Variants in ADCY3 observed in about 807,000 individuals in gnomAD.
ADCY3 encodes the protein adenylate cyclase type 3.
Under a neutral mutation model 119.4 loss-of-function variants are expected in ADCY3, and 70 were observed. The observed-to-expected ratio is 0.59, with a 90% confidence interval of 0.48 to 0.72. ADCY3 has a LOEUF of 0.72. Among genes scored for constraint, ADCY3 ranks in the 30% least tolerant of loss-of-function variants. The pLI is 0.00. For missense variants in ADCY3, 1,238 were observed against 1,541.6 expected (o/e 0.80, Z 3.30); for synonymous variants, 672 against 621.4 (o/e 1.08, Z -1.21).
Position 24,898,921 on chromosome 2 carries a change from G to A in ADCY3, c.675+19392C>T, listed in dbSNP as rs370166059. Among the ~76,000 whole-genome samples, 1 of 152,092 alleles carries A rather than the reference G, an allele frequency of 6.6e-6. No individual in the cohort carries two copies. Among genetic ancestry groups the A allele is most frequent in the Admixed American group, 6.5e-5 (1 of 15,278 alleles). ...CAGCGCGGACGCCAAGCACGACCAC[G>A]GCAGGTGACCTGCCCTCCCTCCAGC... On this transcript the variant is annotated intron_variant, in intron 2 of 21. Transcript: ENST00000679454. This position sits in a 1 kb window ranked among gnomAD's most constrained non-coding sequence, Gnocchi z 4.3.
At position 24,919,114 on chromosome 2, in the gene ADCY3, G is replaced by A; in HGVS notation, c.-127C>T. On this transcript the variant is annotated 5_prime_UTR_variant, in exon 2 of 22. Coordinates refer to ENST00000679454, the MANE Select transcript of ADCY3 (RefSeq NM_004036.5). This position sits in a 1 kb window ranked among gnomAD's most constrained non-coding sequence, Gnocchi z 5.5. ...CTGAGGGCCTCTTCTTGTCTGGGGC[G>A]GAGGGGAGGCCACCTCCAGCAGGAA... The A allele has an allele frequency of 1.0e-6, 1 of 1,003,266 alleles. No homozygotes were observed. Among genetic ancestry groups the A allele is most frequent in the Non-Finnish European group, 1.4e-6 (1 of 704,006 alleles). 62.1% of individuals were successfully genotyped at this position (1,003,266 alleles called of 1,614,324 possible). A position where few individuals can be genotyped will look rare whatever the true frequency, so the allele number is the denominator to read the frequency against.
At chr2:24,917,112 AG>A (rs933581469) in intron 2 of ADCY3, among the ~76,000 whole-genome samples, 4 of 152,226 alleles carry the variant, frequency 2.6e-5, no homozygotes, top group African/African-American at 9.7e-5. Context: ...AAATCAGCAG[AG>A]GAGTGGAAGA....
intron 3 of ADCY3, among the ~76,000 whole-genome samples, chr2:24,865,815 T>C (rs1170415611): frequency 6.6e-6 from 1 of 152,104 alleles, no homozygotes; most frequent in Non-Finnish European, 1.5e-5. Flanking sequence ...GCAGCCAGGA[T>C]TTGAGGGGCC....
chr2:24,915,043 G>A (rs764728012), intron 2 of ADCY3, among the ~76,000 whole-genome samples: 4 of 152,176 alleles, frequency 2.6e-5, no homozygotes, highest in African/African-American at 4.8e-5. Context: ...TGTACCTTCT[G>A]TCCTTCCCCA....
chr2:24,820,131 A>G lies in ADCY3; in HGVS notation c.3253-17T>C, dbSNP rs752701522. On this transcript the variant is annotated splice_polypyrimidine_tract_variant and intron_variant, in intron 21 of 21. Transcript: ENST00000679454. ...TTCTACCACCTGGAGAGGGAGGGGG[A>G]GCAAGAACGTGGCGTTACGGGGGGA... 4 of 1,419,542 alleles carry G rather than the reference A, an allele frequency of 2.8e-6. No homozygotes were observed. Among genetic ancestry groups the G allele is most frequent in the Non-Finnish European group, 2.8e-6 (3 of 1,074,474 alleles). 87.9% of individuals were successfully genotyped at this position (1,419,542 alleles called of 1,614,324 possible).
intron 13 of ADCY3, among the ~76,000 whole-genome samples, chr2:24,829,231 G>T (rs1317818146): frequency 6.6e-6 from 1 of 151,198 alleles, no homozygotes; most frequent in South Asian, 2.1e-4. Context: ...TGGCCAGGCT[G>T]GTCTCAAACT....
chr2:24,859,994 C>T (rs921664509), intron 3 of ADCY3, among the ~76,000 whole-genome samples: 2 of 152,212 alleles, frequency 1.3e-5, no homozygotes, highest in African/African-American at 4.8e-5. Flanking sequence ...GGACAGTCCT[C>T]ACCTCCGAGG....
chr2:24,842,556 GGCA>G lies in ADCY3; in HGVS notation c.826-175_826-173del, dbSNP rs1671147198. The stretch of plus-strand genomic sequence containing the variant: ...CGGGAGCAGCCAGGGGTCTGGGACA[GGCA>G]GCTTCTGGCCCTGACAAGGCTGAGG... On this transcript the variant is annotated intron_variant, in intron 3 of 21. Transcript: ENST00000679454. The surrounding 1 kb of genome is among the most constrained non-coding windows in gnomAD (Gnocchi z 4.9). 1.3e-6 allele frequency: 1 copy of G among 793,190 alleles called. No homozygotes were observed. Among genetic ancestry groups the G allele is most frequent in the African/African-American group, 1.7e-5 (1 of 57,378 alleles). 49.1% of individuals were successfully genotyped at this position (793,190 alleles called of 1,614,324 possible). A position where few individuals can be genotyped will look rare whatever the true frequency, so the allele number is the denominator to read the frequency against.
Position 24,825,426 on chromosome 2 carries a change from C to T in ADCY3, c.2577+619G>A, listed in dbSNP as rs1257914010. ...CTCAGCTTACTACAGCCTCAACCTC[C>T]TAGATTCAAGCAATCCTCCTGCCTC... On this transcript the variant is annotated intron_variant, in intron 16 of 21. Coordinates refer to ENST00000679454, the MANE Select transcript of ADCY3 (RefSeq NM_004036.5). Among the ~76,000 whole-genome samples, 4 of 149,410 alleles carry T rather than the reference C, an allele frequency of 2.7e-5. No individual in the cohort carries two copies. In the East Asian group the frequency reaches 5.9e-4, roughly 22 times the overall value.
In ADCY3 at chr2:24,827,966, T is replaced by C. The variant is rs140426660; in HGVS notation, c.2368A>G (p.Ile790Val). Residue 790 changes from isoleucine (I) to valine (V), a missense_variant, in exon 14 of 22, where the codon ATC becomes GTC. Transcript: ENST00000679454. ...MLLVAGAVAT[I>V]NLYAWRPVFD... is the part of the protein sequence containing the mutation. Reference sequence around the variant, plus strand: ...ACGGGACGCCAGGCATAGAGGTTGATGGTGGCCACGGCGCCTGCGACGAGC... The same window carrying C: ...ACGGGACGCCAGGCATAGAGGTTGACGGTGGCCACGGCGCCTGCGACGAGC... 2.2e-5 allele frequency: 35 copies of C among 1,614,110 alleles called. No individual in the cohort carries two copies. The Admixed American group carries it at 3.0e-4, about 14-fold the overall frequency.
chr2:24,918,593 T>A lies in ADCY3; in HGVS notation c.395A>T (p.Asp132Val), dbSNP rs751404841. The change falls in exon 2 of 22, where the codon GAC (aspartate) becomes GTC (valine). Residue 132 changes from aspartate to valine, a missense_variant. Physicochemically the swap from Asp to Val is radical, Grantham distance 152 (BLOSUM62 -3). Coordinates refer to ENST00000679454, the MANE Select transcript of ADCY3 (RefSeq NM_004036.5). This position sits in a 1 kb window ranked among gnomAD's most constrained non-coding sequence, Gnocchi z 5.4. ...GGGCAGCACTCTGCGGGTGACCCGG[T>A]CCGGGAGCAGCCCCTTTTTGCAGAG... ...FVLCKKGLLP[D>V]RVTRRVLPYV... 1 of 1,613,962 alleles carries A rather than the reference T, an allele frequency of 6.2e-7. No individual in the cohort carries two copies. The highest frequency in any genetic ancestry group is 1.7e-5 in the Admixed American group (1 of 60,008).
chr2:24,910,893 C>T (rs565931271), intron 2 of ADCY3, among the ~76,000 whole-genome samples: 1 of 152,272 alleles, frequency 6.6e-6, no homozygotes, highest in African/African-American at 2.4e-5. Flanking sequence ...GATCCACCCA[C>T]CTCGGCCTTC....
At chr2:24,860,941 C>G (rs1182064505) in intron 3 of ADCY3, among the ~76,000 whole-genome samples, 1 of 152,246 alleles carries the variant, frequency 6.6e-6, no homozygotes, top group Non-Finnish European at 1.5e-5. Context: ...GCCGCACACT[C>G]TTAAGGCAGC....
intron 13 of ADCY3, 115 bp downstream of exon 13, chr2:24,830,594 C>G (rs1669350518): frequency 3.9e-6 from 3 of 767,466 alleles, no homozygotes; most frequent in Non-Finnish European, 4.3e-6. Flanking sequence ...AAGAGCCACT[C>G]CAAAGCTACA....
At chr2:24,863,667 G>A (rs1039637174) in intron 3 of ADCY3, among the ~76,000 whole-genome samples, 5 of 152,164 alleles carry the variant, frequency 3.3e-5, no homozygotes, top group Non-Finnish European at 4.4e-5. Context: ...GATTACAGGC[G>A]TTGAGCCACT....
At chr2:24,897,083 C>A (rs571692788) in intron 2 of ADCY3, among the ~76,000 whole-genome samples, 4 of 152,150 alleles carry the variant, frequency 2.6e-5, no homozygotes, top group Admixed American at 2.6e-4. Context: ...ATCATCTTTT[C>A]GCAAGATGAC....
In ADCY3 at chr2:24,919,181, A is replaced by ACCT; in HGVS notation, c.-195_-194insAGG. On this transcript the variant is annotated 5_prime_UTR_variant, in exon 2 of 22. Coordinates refer to ENST00000679454, the MANE Select transcript of ADCY3 (RefSeq NM_004036.5). This position sits in a 1 kb window ranked among gnomAD's most constrained non-coding sequence, Gnocchi z 5.5. Reference sequence around the variant, plus strand: ...AGAGCACAGGTAGCACTGATCAGCTAGAACTGAAAAGGGCATTGCTGAGTA... The same window carrying ACCT: ...AGAGCACAGGTAGCACTGATCAGCTACCTGAACTGAAAAGGGCATTGCTGAGTA... 1 of 602,650 alleles carries ACCT rather than the reference A, an allele frequency of 1.7e-6. No individual in the cohort carries two copies. The allele number at this position is 602,650 out of a possible 1,614,324, so 37.3% of individuals were successfully genotyped here.
chr2:24,894,033 C>T (rs536069344), intron 2 of ADCY3, among the ~76,000 whole-genome samples: 16 of 152,096 alleles, frequency 1.1e-4, no homozygotes, highest in Non-Finnish European at 2.4e-4. Flanking sequence ...ACTTTCTTTG[C>T]CATCTTTTGA....
chr2:24,853,119 G>A (rs1558455654), intron 3 of ADCY3, among the ~76,000 whole-genome samples: 1 of 150,270 alleles, frequency 6.7e-6, no homozygotes. Context: ...TAAAGGCACT[G>A]CCTCCAGCCA....
Sources: allele counts gnomAD v4.1 joint callset (sites outside exome capture counted in the v4.1 genomes callset), GRCh38; gene constraint gnomAD v4.1.1; non-coding constraint Gnocchi (gnomAD v3.1); transcripts MANE v1.5; gene names NCBI Gene and HGNC (gene_info 2026-07-23, HGNC 2026-07-21).